Variants in TBC1D4 observed in about 807,000 individuals in gnomAD.
TBC1D4 encodes the protein TBC (Tre-2, BUB2, CDC16) domain-containing protein.
Under a neutral mutation model 142.5 loss-of-function variants are expected in TBC1D4, and 121 were observed. The observed-to-expected ratio is 0.85, with a 90% CI of 0.73 to 0.99. TBC1D4 has a LOEUF of 0.99. Ranked by LOEUF, TBC1D4 falls within the 50% of genes least tolerant of loss-of-function variation. TBC1D4 has a pLI of 0.00. For missense variants in TBC1D4, 1,475 were observed against 1,606.6 expected (o/e 0.92, Z 1.40); for synonymous variants, 630 against 628.2 (o/e 1.00, Z -0.04).
At chr13:75,380,536 G>T (rs1467389937) in intron 1 of TBC1D4, among the ~76,000 whole-genome samples, 1 of 112,482 alleles carries the variant, frequency 8.9e-6, no homozygotes, top group Non-Finnish European at 2.1e-5. Flanking sequence ...AACTAGATAA[G>T]ATTTTTTTTT....
intron 1 of TBC1D4, among the ~76,000 whole-genome samples, chr13:75,408,756 T>C (rs1367120145): frequency 2.0e-5 from 3 of 152,304 alleles, no homozygotes; most frequent in Middle Eastern, 3.4e-3. Flanking sequence ...ATTTTTATTA[T>C]AGCTGTTCTG....
chr13:75,384,725 A>G lies in TBC1D4; in HGVS notation c.499-22118T>C, dbSNP rs578057989. On this transcript the variant is annotated intron_variant, in intron 1 of 20. Transcript: ENST00000377636. ...AATCTATGAATTTGTGGGCTGATTC[A>G]GAAAAAAAAGAACTTTGGAAAGATT... is the stretch of plus-strand genomic sequence containing the variant. Among the ~76,000 whole-genome samples, 27 of 152,266 alleles carry G rather than the reference A, an allele frequency of 1.8e-4. No individual in the cohort carries two copies. In the East Asian group the frequency reaches 4.2e-3, roughly 24 times the overall value.
At chr13:75,307,925 T>C (rs968607780) in intron 14 of TBC1D4, among the ~76,000 whole-genome samples, 5 of 152,228 alleles carry the variant, frequency 3.3e-5, no homozygotes, top group African/African-American at 1.2e-4. Context: ...CTCCTATATA[T>C]AACTTTACTA....
chr13:75,430,476 G>C (rs1164705322), intron 1 of TBC1D4, among the ~76,000 whole-genome samples: 1 of 152,126 alleles, frequency 6.6e-6, no homozygotes, highest in Non-Finnish European at 1.5e-5. Context: ...CTTAATATCT[G>C]TATCTTCTTT....
At chr13:75,412,139 G>A (rs1266300003) in intron 1 of TBC1D4, among the ~76,000 whole-genome samples, 2 of 152,086 alleles carry the variant, frequency 1.3e-5, no homozygotes, top group African/African-American at 4.8e-5. Context: ...GTAGAAGTTT[G>A]GGCTATACCC....
At position 75,310,170 on chromosome 13, in the gene TBC1D4, T is replaced by A. The variant is rs770977313; in HGVS notation, c.2384-19A>T. On this transcript the variant is annotated intron_variant, in intron 13 of 20. Coordinates refer to ENST00000377636, the MANE Select transcript of TBC1D4 (RefSeq NM_014832.5). ...AATCCATCTGCAGAGAAGAACACAG[T>A]GAGAGGCATTCCTTAGCAGTAACCC... is the stretch of plus-strand genomic sequence containing the variant. The A allele has an allele frequency of 1.2e-6, 2 of 1,609,444 alleles. No homozygotes were observed. The highest frequency in any genetic ancestry group is 1.1e-5 in the South Asian group (1 of 90,638).
At chr13:75,460,735 A>C (rs533132792) in intron 1 of TBC1D4, among the ~76,000 whole-genome samples, 1 of 152,258 alleles carries the variant, frequency 6.6e-6, no homozygotes, top group South Asian at 2.1e-4. Flanking sequence ...GGCCTGGGCA[A>C]CACAGCGAGA....
At chr13:75,390,283 A>AAAAT (rs1331295518) in intron 1 of TBC1D4, among the ~76,000 whole-genome samples, 6 of 151,478 alleles carry the variant, frequency 4.0e-5, no homozygotes. Flanking sequence ...CCGTCAAAAA[A>AAAAT]AAAAAAAAAA....
chr13:75,341,235 TC>T lies in TBC1D4; in HGVS notation c.1501-1del, dbSNP rs1880674837. 1 of 1,613,320 alleles carries T rather than the reference TC, an allele frequency of 6.2e-7. No individual in the cohort carries two copies. The highest frequency in any genetic ancestry group is 8.5e-7 in the Non-Finnish European group (1 of 1,179,608). ...TCCTGGTCACTGACTGGCTTCATTT[TC>T]TGTTCAACAGACAAACCAAAAGAAC... is the stretch of plus-strand genomic sequence containing the variant. On this transcript the variant is annotated splice_acceptor_variant, in intron 6 of 20. Transcript: ENST00000377636. LOFTEE classifies it high-confidence loss of function.
chr13:75,323,842 A>G (rs1266744419), intron 11 of TBC1D4, among the ~76,000 whole-genome samples: 4 of 152,204 alleles, frequency 2.6e-5, no homozygotes, highest in Admixed American at 2.6e-4. Context: ...AGTTATGTCA[A>G]TCAGTGGCTT....
intron 1 of TBC1D4, among the ~76,000 whole-genome samples, chr13:75,447,501 T>G (rs893160852): frequency 7.1e-3 from 12 of 1,694 alleles, no homozygotes; most frequent in Admixed American, 0.026. Flanking sequence ...ATAGTGTGAA[T>G]GTGTGTGTGT....
intron 1 of TBC1D4, among the ~76,000 whole-genome samples, chr13:75,469,769 T>G (rs775625818): frequency 3.9e-5 from 6 of 152,154 alleles, no homozygotes; most frequent in Non-Finnish European, 7.4e-5. Context: ...AGCAAGAATC[T>G]GTCTCCTACC....
chr13:75,476,429 A>G (rs1484279369), intron 1 of TBC1D4, among the ~76,000 whole-genome samples: 1 of 152,218 alleles, frequency 6.6e-6, no homozygotes, highest in Non-Finnish European at 1.5e-5. Flanking sequence ...TTCTGACGTT[A>G]AAACACTTTG....
In TBC1D4 at chr13:75,349,258, C is replaced by T. The variant is rs201526891; in HGVS notation, c.1320G>A (p.Ala440=). ...MLTLKQAFST[A]AALQSAKTQI... ...GCGTCTTGGCACTCTGCAGGGCAGC[C>T]GCCGTACTGAAGGCCTGTTTCAGAG... The change falls in exon 5 of 21, where the codon GCG becomes GCA. Residue 440 remains alanine, a synonymous_variant. Coordinates refer to ENST00000377636, the MANE Select transcript of TBC1D4 (RefSeq NM_014832.5). 3.8e-5 allele frequency: 62 copies of T among 1,613,970 alleles called. No homozygotes were observed. In the African/African-American group the frequency reaches 4.1e-4, roughly 11 times the overall value.
intron 1 of TBC1D4, among the ~76,000 whole-genome samples, chr13:75,421,206 G>A (rs1029003616): frequency 1.3e-5 from 2 of 152,336 alleles, no homozygotes; most frequent in Middle Eastern, 3.4e-3. Flanking sequence ...ACTGTGTGCA[G>A]ATGATGCCTC....
At chr13:75,394,487 T>A (rs1002412738) in intron 1 of TBC1D4, among the ~76,000 whole-genome samples, 12 of 152,224 alleles carry the variant, frequency 7.9e-5, no homozygotes, top group Non-Finnish European at 1.5e-4. Flanking sequence ...TTAAATCAGA[T>A]CTGCCAGATG....
intron 1 of TBC1D4, among the ~76,000 whole-genome samples, chr13:75,394,760 G>A (rs1884694568): frequency 6.6e-6 from 1 of 152,102 alleles, no homozygotes; most frequent in South Asian, 2.1e-4. Flanking sequence ...ATATATCCTT[G>A]GCAATGATTC....
Position 75,362,685 on chromosome 13 carries a change from A to G in TBC1D4, c.499-78T>C. 1 of 1,450,036 alleles carries G rather than the reference A, an allele frequency of 6.9e-7. No homozygotes were observed. Among genetic ancestry groups the G allele is most frequent in the Non-Finnish European group, 9.6e-7 (1 of 1,042,178 alleles). The allele number at this position is 1,450,036 out of a possible 1,614,324, so 89.8% of individuals were successfully genotyped here. A position where few individuals can be genotyped will look rare whatever the true frequency, so the allele number is the denominator to read the frequency against. ...ACATTTACCTAGCCCAATTATTACC[A>G]CATGGAATGTATTTTCATCCTAAAT... On this transcript the variant is annotated intron_variant, in intron 1 of 20. Coordinates refer to ENST00000377636, the MANE Select transcript of TBC1D4 (RefSeq NM_014832.5). This position sits in a 1 kb window ranked among gnomAD's most constrained non-coding sequence, Gnocchi z 4.2.
chr13:75,386,155 C>A (rs1435650872), intron 1 of TBC1D4, among the ~76,000 whole-genome samples: 1 of 152,136 alleles, frequency 6.6e-6, no homozygotes, highest in African/African-American at 2.4e-5. Flanking sequence ...GGCCAAGCTA[C>A]CAATGAGACC....
Sources: allele counts gnomAD v4.1 joint callset (sites outside exome capture counted in the v4.1 genomes callset), GRCh38; gene constraint gnomAD v4.1.1; non-coding constraint Gnocchi (gnomAD v3.1); transcripts MANE v1.5; gene names NCBI Gene and HGNC (gene_info 2026-07-23, HGNC 2026-07-21).